Variants in CNTNAP2 observed in about 807,000 individuals in gnomAD.
CNTNAP2 encodes the protein contactin associated protein 2.
In CNTNAP2, 98 loss-of-function variants were observed where a neutral mutation model predicts 155.2. The observed-to-expected ratio is 0.63, with a 90% CI of 0.54 to 0.75. The LOEUF (loss-of-function observed/expected upper bound fraction) is 0.75, where lower values mean the gene tolerates loss of function less well. CNTNAP2 is among the 30% of genes least tolerant of loss of function. The pLI, the probability that CNTNAP2 is intolerant of heterozygous loss-of-function variation, is 0.00. For missense variants in CNTNAP2, 1,727 were observed against 1,688.1 expected, an observed-to-expected ratio of 1.02 and a Z score of -0.40; for synonymous variants, 651 against 631.2, an observed-to-expected ratio of 1.03 and a Z score of -0.47.
At chr7:147,313,034 G>T (rs1795154295) in intron 9 of CNTNAP2, among the ~76,000 whole-genome samples, 1 of 135,590 alleles carries the variant, frequency 7.4e-6, no homozygotes, top group Non-Finnish European at 1.5e-5. Flanking sequence ...ATTTTTTCAT[G>T]TGTCTTTTGG....
chr7:146,882,489 G>T (rs1795572201), intron 3 of CNTNAP2, among the ~76,000 whole-genome samples: 1 of 151,910 alleles, frequency 6.6e-6, no homozygotes, highest in Admixed American at 6.6e-5. Context: ...ACATCTGATG[G>T]TTTTATAAAG....
intron 15 of CNTNAP2, among the ~76,000 whole-genome samples, chr7:148,027,594 T>G (rs1301606875): frequency 3.9e-5 from 6 of 152,198 alleles, no homozygotes; most frequent in Non-Finnish European, 5.9e-5. Flanking sequence ...AAATATAGAT[T>G]TTTAGTCTCC....
chr7:146,754,756 C>G (rs1801965760), intron 1 of CNTNAP2, among the ~76,000 whole-genome samples: 1 of 151,664 alleles, frequency 6.6e-6, no homozygotes, highest in South Asian at 2.1e-4. Context: ...TTTATTCTTT[C>G]CCTGTAGTTT....
intron 8 of CNTNAP2, among the ~76,000 whole-genome samples, chr7:147,220,844 G>T (rs546797183): frequency 6.0e-4 from 91 of 152,124 alleles, no homozygotes; most frequent in Middle Eastern, 3.4e-3. Flanking sequence ...CTCCCGAGTA[G>T]CTGGGATTAT....
At chr7:147,774,438 A>C (rs1342883619) in intron 13 of CNTNAP2, among the ~76,000 whole-genome samples, 1 of 152,224 alleles carries the variant, frequency 6.6e-6, no homozygotes, top group Non-Finnish European at 1.5e-5. Context: ...GGGTTAAAAC[A>C]ATAGAATTTC....
At position 146,435,849 on chromosome 7, in the gene CNTNAP2, CAAT is replaced by C. The variant is rs774195302; in HGVS notation, c.97+318877_97+318879del. 6.7e-3 allele frequency among the ~76,000 whole-genome samples: 1,015 copies of C among 152,216 alleles called. 13 individuals carry two copies. Among genetic ancestry groups the C allele is most frequent in the South Asian group, 0.038 (183 of 4,828 alleles). On this transcript the variant is annotated intron_variant, in intron 1 of 23. Coordinates refer to ENST00000361727, the MANE Select transcript of CNTNAP2 (RefSeq NM_014141.6). ...AAAGAGTTAAGTTAGGAAATGGAGT[CAAT>C]TCTCAACAGGAGCTTATCTGCAGTA... is the stretch of plus-strand genomic sequence containing the variant.
At chr7:148,223,162 C>T (rs1795783051) in intron 19 of CNTNAP2, among the ~76,000 whole-genome samples, 2 of 152,180 alleles carry the variant, frequency 1.3e-5, no homozygotes, top group Admixed American at 6.5e-5. Context: ...CCTAGAAATG[C>T]CCCAACTTCC....
intron 10 of CNTNAP2, among the ~76,000 whole-genome samples, chr7:147,411,648 A>T (rs540276676): frequency 1.1e-3 from 161 of 152,282 alleles, no homozygotes; most frequent in African/African-American, 3.7e-3. Context: ...GATTTTCATA[A>T]AGAAAGTAGG....
intron 14 of CNTNAP2, among the ~76,000 whole-genome samples, chr7:147,920,081 G>A (rs1009425351): frequency 3.3e-5 from 5 of 151,796 alleles, no homozygotes; most frequent in South Asian, 2.1e-4. Context: ...TGCCTTGGCC[G>A]GGCGCGGTGG....
intron 9 of CNTNAP2, among the ~76,000 whole-genome samples, chr7:147,347,427 T>TATATATATATGCATATATATATATATGC (rs1795886147): frequency 1.8e-5 from 1 of 55,318 alleles, no homozygotes; most frequent in African/African-American, 6.7e-5. Context: ...AGATTATATA[T>TATATATATATGCATATATATATATATGC]ATATATATAT....
At chr7:147,449,300 G>A (rs1037733025) in intron 10 of CNTNAP2, among the ~76,000 whole-genome samples, 2 of 152,072 alleles carry the variant, frequency 1.3e-5, no homozygotes, top group Non-Finnish European at 2.9e-5. Flanking sequence ...CATGACTGAG[G>A]AGTCATTTCA....
intron 1 of CNTNAP2, among the ~76,000 whole-genome samples, chr7:146,415,589 A>T (rs1440691878): frequency 6.6e-6 from 1 of 151,952 alleles, no homozygotes; most frequent in Non-Finnish European, 1.5e-5. Context: ...TTTCCATTAG[A>T]TGTATCTATT....
chr7:147,575,107 ATGTGTGTGTGTGTGTGTG>A (rs754922892), intron 12 of CNTNAP2, among the ~76,000 whole-genome samples: 6 of 94,060 alleles, frequency 6.4e-5, no homozygotes, highest in Admixed American at 2.3e-4. Flanking sequence ...TTTGTGGGAA[ATGTGTGTGTGTGTGTGTG>A]TGTGTGTGTG....
intron 3 of CNTNAP2, among the ~76,000 whole-genome samples, chr7:146,969,982 G>A (rs1797748849): frequency 6.6e-6 from 1 of 152,116 alleles, no homozygotes. Flanking sequence ...TTTAATAAAT[G>A]GTGCTGGGAA....
intron 4 of CNTNAP2, among the ~76,000 whole-genome samples, chr7:147,065,805 T>C (rs1225288762): frequency 2.0e-5 from 3 of 152,284 alleles, no homozygotes; most frequent in African/African-American, 7.2e-5. Flanking sequence ...AGTTGATTGT[T>C]AGAAGTAGAA....
chr7:146,763,683 A>G (rs1434675467), intron 1 of CNTNAP2, among the ~76,000 whole-genome samples: 3 of 152,316 alleles, frequency 2.0e-5, no homozygotes, highest in South Asian at 4.1e-4. Flanking sequence ...TTATCTAGCA[A>G]TCAGTACAGT....
intron 15 of CNTNAP2, among the ~76,000 whole-genome samples, chr7:148,104,737 T>C (rs1563200836): frequency 1.3e-5 from 2 of 152,228 alleles, no homozygotes; most frequent in Non-Finnish European, 2.9e-5. Flanking sequence ...TCACCCATCA[T>C]TGTCAGTACC....
intron 8 of CNTNAP2, among the ~76,000 whole-genome samples, chr7:147,182,822 T>C (rs1311897126): frequency 6.6e-6 from 1 of 152,200 alleles, no homozygotes; most frequent in Admixed American, 6.5e-5. Context: ...ATAGTTTTAA[T>C]GCTTGTGAAG....
At chr7:148,259,274 T>C (rs933678606) in intron 20 of CNTNAP2, among the ~76,000 whole-genome samples, 10 of 145,610 alleles carry the variant, frequency 6.9e-5, no homozygotes, top group African/African-American at 2.5e-4. Flanking sequence ...AAGGATCACT[T>C]GAGCCTGAGA....
Sources: gnomAD v4.1 joint callset for allele counts (sites outside exome capture counted in the v4.1 genomes callset) on GRCh38, gnomAD v4.1.1 for gene constraint, MANE v1.5 for transcripts, NCBI Gene and HGNC (gene_info 2026-07-23, HGNC 2026-07-21) for gene names.